SDHAF3: variants seen among roughly 807,000 people sequenced by gnomAD.
SDHAF3 encodes succinate dehydrogenase complex assembly factor 3.
A neutral mutation model predicts 11.5 loss-of-function variants in SDHAF3; 18 were observed. That is an observed-to-expected ratio of 1.56 (90% CI 1.08 to 2.32). The LOEUF (loss-of-function observed/expected upper bound fraction) is 2.32. Among genes scored for constraint, SDHAF3 ranks in the 30% most tolerant of loss-of-function variants. The probability of loss-of-function intolerance (pLI) is 0.00; values close to 1 mark genes in which losing one functional copy is unlikely to be tolerated. For synonymous variants in SDHAF3, 72 were observed against 59.3 expected (o/e 1.21, Z -0.99); for missense variants, 200 against 154.4 (o/e 1.30, Z -1.57).
At chr7:97,157,816 G>A (rs1789327592) in intron 1 of SDHAF3, among the ~76,000 whole-genome samples, 1 of 151,966 alleles carries the variant, frequency 6.6e-6, no homozygotes, top group Non-Finnish European at 1.5e-5. Context: ...CCTTTGTAGG[G>A]ACATGGATGA....
chr7:97,167,572 TC>T (rs1268539682), intron 1 of SDHAF3, among the ~76,000 whole-genome samples: 4 of 152,190 alleles, frequency 2.6e-5, no homozygotes, highest in African/African-American at 9.7e-5. Flanking sequence ...TCACACATAG[TC>T]GGCTGTACAG....
intron 1 of SDHAF3, among the ~76,000 whole-genome samples, chr7:97,160,461 AGG>A: frequency 6.6e-6 from 1 of 152,108 alleles, no homozygotes; most frequent in East Asian, 1.9e-4. Context: ...CAAAAAGAAA[AGG>A]GGGAAATGTG....
At chr7:97,132,102 T>C (rs1354775541) in intron 1 of SDHAF3, among the ~76,000 whole-genome samples, 1 of 152,198 alleles carries the variant, frequency 6.6e-6, no homozygotes, top group Non-Finnish European at 1.5e-5. Context: ...ATAAGAAAGT[T>C]ATTAAGGACA....
chr7:97,146,797 T>G (rs964076770), intron 1 of SDHAF3, among the ~76,000 whole-genome samples: 1 of 151,682 alleles, frequency 6.6e-6, no homozygotes, highest in Non-Finnish European at 1.5e-5. Context: ...CCTTTTTTTT[T>G]TTTTTTTGAG....
chr7:97,160,005 A>T (rs1229113942), intron 1 of SDHAF3, among the ~76,000 whole-genome samples: 2 of 152,206 alleles, frequency 1.3e-5, no homozygotes, highest in African/African-American at 4.8e-5. Flanking sequence ...AATGACAAGG[A>T]TTTGTTAACA....
At chr7:97,140,587 A>G (rs1789018316) in intron 1 of SDHAF3, among the ~76,000 whole-genome samples, 1 of 151,990 alleles carries the variant, frequency 6.6e-6, no homozygotes, top group East Asian at 1.9e-4. Flanking sequence ...TAGTTCCCCA[A>G]ATTAATACTT....
intron 1 of SDHAF3, among the ~76,000 whole-genome samples, chr7:97,134,521 A>G (rs533905471): frequency 1.1e-3 from 172 of 152,278 alleles, no homozygotes; most frequent in Non-Finnish European, 2.0e-3. Context: ...ATCTTGGCTC[A>G]CTGCAACCTC....
chr7:97,135,668 G>GTGTGTATATATATATATA (rs1491487810), intron 1 of SDHAF3: 1 of 63,934 alleles, frequency 1.6e-5, no homozygotes, highest in African/African-American at 7.1e-5. Flanking sequence ...GTGTGTGTGT[G>GTGTGTATATATATATATA]TATATATATA....
chr7:97,137,996 T>C (rs1788956807), intron 1 of SDHAF3, among the ~76,000 whole-genome samples: 3 of 147,050 alleles, frequency 2.0e-5, no homozygotes, highest in Non-Finnish European at 1.5e-5. Flanking sequence ...CCTCAGCCTC[T>C]TGAGTAGCTG....
At chr7:97,159,084 G>A (rs1328723312) in intron 1 of SDHAF3, among the ~76,000 whole-genome samples, 1 of 152,102 alleles carries the variant, frequency 6.6e-6, no homozygotes, top group Non-Finnish European at 1.5e-5. Context: ...CAGCAAAATG[G>A]CATACACGTC....
chr7:97,133,330 T>C (rs80219934), intron 1 of SDHAF3, among the ~76,000 whole-genome samples: 1 of 152,284 alleles, frequency 6.6e-6, no homozygotes, highest in African/African-American at 2.4e-5. Flanking sequence ...TTCAGGGGAT[T>C]GTGGACCTCT....
chr7:97,140,734 G>A (rs909571902), intron 1 of SDHAF3, among the ~76,000 whole-genome samples: 1 of 151,984 alleles, frequency 6.6e-6, no homozygotes, highest in Non-Finnish European at 1.5e-5. Flanking sequence ...CGTCATCTTC[G>A]CAAGCTGAGG....
At chr7:97,159,821 A>C (rs1016743195) in intron 1 of SDHAF3, among the ~76,000 whole-genome samples, 1 of 152,118 alleles carries the variant, frequency 6.6e-6, no homozygotes, top group African/African-American at 2.4e-5. Flanking sequence ...TAAGCTTTCC[A>C]TTAGTTTCGG....
intron 1 of SDHAF3, among the ~76,000 whole-genome samples, chr7:97,169,668 A>G (rs1444753631): frequency 6.6e-6 from 1 of 152,142 alleles, no homozygotes; most frequent in South Asian, 2.1e-4. Flanking sequence ...TTACAGATGA[A>G]CAGGTAGTTA....
intron 1 of SDHAF3, among the ~76,000 whole-genome samples, chr7:97,175,110 G>A (rs1169657951): frequency 1.3e-5 from 2 of 152,016 alleles, no homozygotes; most frequent in Non-Finnish European, 2.9e-5. Context: ...CCTTGAAATG[G>A]TTTATTTAGT....
chr7:97,150,656 C>T (rs566537797), intron 1 of SDHAF3, among the ~76,000 whole-genome samples: 26 of 151,114 alleles, frequency 1.7e-4, no homozygotes, highest in African/African-American at 4.1e-4. Flanking sequence ...CTCTGCCACC[C>T]GGGTTCACGC....
chr7:97,137,016 A>ATTTTG (rs1328967255), intron 1 of SDHAF3, among the ~76,000 whole-genome samples: 3 of 151,926 alleles, frequency 2.0e-5, no homozygotes, highest in African/African-American at 7.3e-5. Context: ...AGGGTTTTGT[A>ATTTTG]TTTTGTTTTG....
At chr7:97,151,976 A>G (rs1421249661) in intron 1 of SDHAF3, among the ~76,000 whole-genome samples, 2 of 152,178 alleles carry the variant, frequency 1.3e-5, no homozygotes, top group African/African-American at 4.8e-5. Flanking sequence ...ACATTGACAC[A>G]TTAAGATCAC....
chr7:97,122,524 T>C (rs1344471307), intron 1 of SDHAF3, among the ~76,000 whole-genome samples: 1 of 152,048 alleles, frequency 6.6e-6, no homozygotes, highest in Non-Finnish European at 1.5e-5. Flanking sequence ...TTTTTTCTTT[T>C]AAAGTAGAGT....
Sources: gnomAD v4.1 joint callset for allele counts (sites outside exome capture counted in the v4.1 genomes callset) on GRCh38, gnomAD v4.1.1 for gene constraint, MANE v1.5 for transcripts, NCBI Gene and HGNC (gene_info 2026-07-23, HGNC 2026-07-21) for gene names.